SDK1: variants seen among roughly 807,000 people sequenced by gnomAD.
The protein encoded by SDK1 is protein sidekick-1.
A neutral mutation model predicts 245.5 loss-of-function variants in SDK1; 157 were observed. That is an observed-to-expected ratio of 0.64 (90% CI 0.56 to 0.73). The LOEUF (loss-of-function observed/expected upper bound fraction) is 0.73. SDK1 is among the 30% of genes least tolerant of loss of function. The pLI is 0.00. For missense variants in SDK1, 3,583 were observed against 3,002.3 expected (o/e 1.19, Z -4.52); for synonymous variants, 1,647 against 1,278.5 (o/e 1.29, Z -6.15).
chr7:3,301,838 G>GGCGCTGCTGGCGC lies in SDK1; in HGVS notation c.253_265dup (p.Leu89ArgfsTer17). 8.9e-7 allele frequency: 1 copy of GGCGCTGCTGGCGC among 1,129,766 alleles called. No individual in the cohort carries two copies. 70.0% of individuals were successfully genotyped at this position (1,129,766 alleles called of 1,614,324 possible). ...TGGGGCCGGGCCGCCGCGGCTGGTG[G>GGCGCTGCTGGCGC]GCGCTGCTGGCGCTGCAGCTGCACT... is the stretch of plus-strand genomic sequence containing the variant. On this transcript the variant is annotated frameshift_variant, in exon 1 of 45. Coordinates refer to ENST00000404826, the MANE Select transcript of SDK1 (RefSeq NM_152744.4). LOFTEE classifies it high-confidence loss of function.
chr7:3,627,714 C>T (rs1047228404), intron 2 of SDK1, among the ~76,000 whole-genome samples: 1 of 152,152 alleles, frequency 6.6e-6, no homozygotes, highest in Non-Finnish European at 1.5e-5. Flanking sequence ...CCAACATGAC[C>T]GATTGATGTC....
In SDK1 at chr7:4,192,522, G is replaced by A. The variant is rs148105591; in HGVS notation, c.5099-13357G>A. On this transcript the variant is annotated intron_variant, in intron 35 of 44. Transcript: ENST00000404826. ...GATCTCCTGAACTCGTGATCCACCC[G>A]CCTCGGCCTCCTGAAGTGCTGGGAT... 6.0e-3 allele frequency among the ~76,000 whole-genome samples: 920 copies of A among 152,190 alleles called. 29 individuals are homozygous for A. The highest frequency in any genetic ancestry group is 1.6e-3 in the Non-Finnish European group (106 of 68,004).
rs191906334 is a variant in SDK1 at position 3,575,587 on chromosome 7, A to G, written c.299-43493A>G. ...GCTTTTTGCTGGGTTTTGATTTTTC[A>G]GGATGAGGGAAAATCGATCTAGAGA... On this transcript the variant is annotated intron_variant, in intron 1 of 44. Coordinates refer to ENST00000404826, the MANE Select transcript of SDK1 (RefSeq NM_152744.4). Among the ~76,000 whole-genome samples, 1,371 of 152,136 alleles carry G rather than the reference A, an allele frequency of 9.0e-3. 19 individuals are homozygous for G. Among genetic ancestry groups the G allele is most frequent in the Non-Finnish European group, 0.013 (895 of 67,946 alleles).
intron 1 of SDK1, among the ~76,000 whole-genome samples, chr7:3,516,798 G>A (rs1274314230): frequency 6.6e-6 from 1 of 152,084 alleles, no homozygotes; most frequent in African/African-American, 2.4e-5. Context: ...TAAAAGAAAT[G>A]GAGACAAAAT....
intron 17 of SDK1, among the ~76,000 whole-genome samples, chr7:4,030,102 C>T (rs955259263): frequency 6.6e-6 from 1 of 152,158 alleles, no homozygotes; most frequent in Non-Finnish European, 1.5e-5. Flanking sequence ...AGATGCGCGT[C>T]AAGCATCGGC....
intron 1 of SDK1, among the ~76,000 whole-genome samples, chr7:3,427,159 A>C (rs1270432314): frequency 6.6e-6 from 1 of 152,218 alleles, no homozygotes; most frequent in Non-Finnish European, 1.5e-5. Flanking sequence ...TTAAAACATT[A>C]AAAATTCTCT....
intron 19 of SDK1, among the ~76,000 whole-genome samples, chr7:4,055,352 A>G (rs758911666): frequency 7.9e-5 from 12 of 152,170 alleles, no homozygotes; most frequent in African/African-American, 1.4e-4. Context: ...TTGATCCTCT[A>G]AGAGTTCAGA....
Position 3,862,243 on chromosome 7 carries a change from A to G in SDK1, c.847+40660A>G, listed in dbSNP as rs553412428. 4.6e-5 allele frequency among the ~76,000 whole-genome samples: 7 copies of G among 152,290 alleles called. No individual in the cohort carries two copies. The South Asian group carries it at 6.2e-4, about 14-fold the overall frequency. ...TTGGAAAGTCCCAGAAAACACTCAG[A>G]CCAATTACATCAGAATGTCTGGGGG... On this transcript the variant is annotated intron_variant, in intron 5 of 44. Coordinates refer to ENST00000404826, the MANE Select transcript of SDK1 (RefSeq NM_152744.4).
chr7:3,680,297 G>C (rs1784059929), intron 4 of SDK1, among the ~76,000 whole-genome samples: 1 of 152,226 alleles, frequency 6.6e-6, no homozygotes, highest in Non-Finnish European at 1.5e-5. Flanking sequence ...AGAGACGTAG[G>C]AGAGCTTGAG....
intron 4 of SDK1, among the ~76,000 whole-genome samples, chr7:3,798,374 C>T (rs986846214): frequency 3.4e-4 from 51 of 152,012 alleles, no homozygotes; most frequent in Middle Eastern, 6.8e-3. Flanking sequence ...CCCGCCACCA[C>T]GCCCAGCTAA....
chr7:3,525,884 C>T (rs1243915237), intron 1 of SDK1, among the ~76,000 whole-genome samples: 4 of 152,006 alleles, frequency 2.6e-5, no homozygotes, highest in Admixed American at 6.5e-5. Context: ...TTTTACCAAG[C>T]ACTTAAAATT....
chr7:3,339,976 A>G (rs1001782263), intron 1 of SDK1, among the ~76,000 whole-genome samples: 2 of 152,128 alleles, frequency 1.3e-5, no homozygotes, highest in African/African-American at 4.8e-5. Context: ...AAGGAATAAG[A>G]CCCAAATCAG....
chr7:3,763,747 T>C (rs1300420924), intron 4 of SDK1, among the ~76,000 whole-genome samples: 1 of 152,220 alleles, frequency 6.6e-6, no homozygotes, highest in African/African-American at 2.4e-5. Context: ...ATATTTTATA[T>C]CTCTATCTAG....
intron 4 of SDK1, among the ~76,000 whole-genome samples, chr7:3,758,074 C>G (rs1779986899): frequency 6.6e-6 from 1 of 152,158 alleles, no homozygotes; most frequent in African/African-American, 2.4e-5. Flanking sequence ...GTTGTCAAGT[C>G]CAGCCCACAG....
chr7:4,198,595 A>G (rs1213875797), intron 35 of SDK1, among the ~76,000 whole-genome samples: 1 of 152,194 alleles, frequency 6.6e-6, no homozygotes. Context: ...CTTTTGCCAT[A>G]GAAGGTGGAG....
chr7:3,351,375 A>G (rs912740361), intron 1 of SDK1, among the ~76,000 whole-genome samples: 4 of 152,186 alleles, frequency 2.6e-5, no homozygotes, highest in Non-Finnish European at 5.9e-5. Context: ...CCTTAACACC[A>G]CTGTCTACTA....
intron 4 of SDK1, among the ~76,000 whole-genome samples, chr7:3,768,281 A>G (rs765704449): frequency 2.4e-4 from 36 of 152,232 alleles, no homozygotes; most frequent in African/African-American, 8.4e-4. Flanking sequence ...AGGATGTGCA[A>G]GAGCATAGAC....
intron 5 of SDK1, among the ~76,000 whole-genome samples, chr7:3,892,659 A>G (rs1163013071): frequency 1.3e-5 from 2 of 152,226 alleles, no homozygotes; most frequent in African/African-American, 4.8e-5. Flanking sequence ...AATCAAGAAC[A>G]GCCATATTGC....
chr7:3,784,522 A>C (rs1162150138), intron 4 of SDK1, among the ~76,000 whole-genome samples: 1 of 152,138 alleles, frequency 6.6e-6, no homozygotes, highest in African/African-American at 2.4e-5. Context: ...AAAGAATACA[A>C]AAAATTCTAA....
Sources: gnomAD v4.1 joint callset for allele counts (sites outside exome capture counted in the v4.1 genomes callset) on GRCh38, gnomAD v4.1.1 for gene constraint, MANE v1.5 for transcripts, NCBI Gene and HGNC (gene_info 2026-07-23, HGNC 2026-07-21) for gene names.